Variants in OTUD7A observed in about 807,000 individuals in gnomAD.
OTUD7A encodes the protein OTU deubiquitinase 7A.
A neutral mutation model predicts 65.7 loss-of-function variants in OTUD7A; 12 were observed. The ratio of observed to expected loss-of-function variants is 0.18; its 90% CI spans 0.12 to 0.30. The LOEUF (loss-of-function observed/expected upper bound fraction) is 0.30. Among genes scored for constraint, OTUD7A ranks in the 10% least tolerant of loss-of-function variants. The pLI is 1.00. For synonymous variants in OTUD7A, 641 were observed against 586.3 expected, an observed-to-expected ratio of 1.09 and a Z score of -1.35; for missense variants, 1,148 against 1,304.8, an observed-to-expected ratio of 0.88 and a Z score of 1.85.
rs192938762 is a variant in OTUD7A, at chr15:31,491,194, A to T, written c.1172-3628T>A. On this transcript the variant is annotated intron_variant, in intron 10 of 12. Coordinates refer to ENST00000307050, the MANE Select transcript of OTUD7A (RefSeq NM_001382637.1). ...GTTTATAGAACAAGACTCAGATATG[A>T]CACAGGTGTTGAAACTATCAGACAA... Among the ~76,000 whole-genome samples, 201 of 152,332 alleles carry T rather than the reference A, an allele frequency of 1.3e-3. 1 individual carries two copies. The highest frequency in any genetic ancestry group is 4.6e-3 in the African/African-American group (192 of 41,570).
At chr15:31,589,250 C>CTT (rs1411129433) in intron 3 of OTUD7A, among the ~76,000 whole-genome samples, 2 of 151,532 alleles carry the variant, frequency 1.3e-5, no homozygotes, top group African/African-American at 4.9e-5. Flanking sequence ...TTGGGATTCT[C>CTT]TTTAAAGAGT....
chr15:31,838,703 C>A (rs1897114314), intron 1 of OTUD7A, among the ~76,000 whole-genome samples: 1 of 150,220 alleles, frequency 6.7e-6, no homozygotes, highest in Admixed American at 6.6e-5. Flanking sequence ...CCCCATTACT[C>A]CTAAGTGATC....
At chr15:31,798,011 C>T (rs1896017467) in intron 1 of OTUD7A, among the ~76,000 whole-genome samples, 1 of 152,182 alleles carries the variant, frequency 6.6e-6, no homozygotes, top group South Asian at 2.1e-4. Flanking sequence ...TTCACTGCGT[C>T]TTCACATGGG....
intron 5 of OTUD7A, among the ~76,000 whole-genome samples, chr15:31,550,557 C>T (rs1025933102): frequency 2.6e-5 from 4 of 152,096 alleles, no homozygotes; most frequent in South Asian, 2.1e-4. Flanking sequence ...TTCTGCCAAC[C>T]GCAGGGAACT....
At chr15:31,790,124 C>T (rs528132263) in intron 1 of OTUD7A, among the ~76,000 whole-genome samples, 3 of 152,314 alleles carry the variant, frequency 2.0e-5, no homozygotes, top group Admixed American at 6.5e-5. Flanking sequence ...GTCACATTGA[C>T]GGGAGTACAT....
At chr15:31,845,474 C>T (rs1402242872) in intron 1 of OTUD7A, among the ~76,000 whole-genome samples, 7 of 152,244 alleles carry the variant, frequency 4.6e-5, no homozygotes, top group South Asian at 4.1e-4. Flanking sequence ...CCATCTCTCT[C>T]GTCCTCTGTG....
intron 4 of OTUD7A, among the ~76,000 whole-genome samples, chr15:31,564,348 C>T (rs1286022204): frequency 6.9e-6 from 1 of 144,198 alleles, no homozygotes; most frequent in East Asian, 2.1e-4. Flanking sequence ...AGGAGATTCA[C>T]CATGCAAAAA....
At chr15:31,674,927 A>G (rs1319278509) in intron 1 of OTUD7A, among the ~76,000 whole-genome samples, 2 of 152,160 alleles carry the variant, frequency 1.3e-5, no homozygotes, top group Non-Finnish European at 2.9e-5. Flanking sequence ...ATCATGGAAC[A>G]CTTGCACCAG....
intron 8 of OTUD7A, among the ~76,000 whole-genome samples, chr15:31,517,192 TA>T (rs796405050): frequency 4.4e-4 from 67 of 152,316 alleles, no homozygotes; most frequent in African/African-American, 1.6e-3. Flanking sequence ...TGTAAACGCC[TA>T]TGTCCAGGTC....
At chr15:31,847,280 C>T (rs1016068656) in intron 1 of OTUD7A, among the ~76,000 whole-genome samples, 3 of 152,166 alleles carry the variant, frequency 2.0e-5, no homozygotes, top group Non-Finnish European at 2.9e-5. Context: ...TGCCTAGAGC[C>T]AGGCCACTGT....
chr15:31,651,059 A>G (rs1891820241), intron 3 of OTUD7A, among the ~76,000 whole-genome samples: 1 of 128,476 alleles, frequency 7.8e-6, no homozygotes, highest in Non-Finnish European at 1.6e-5. Context: ...AAGCTTGAAA[A>G]CCTTGAACAG....
In OTUD7A at chr15:31,484,373, G is replaced by A. The variant is rs928564075; in HGVS notation, c.1723C>T (p.Arg575Cys). 4 of 1,601,026 alleles carry A rather than the reference G, an allele frequency of 2.5e-6. No homozygotes were observed. The highest frequency in any genetic ancestry group is 3.4e-6 in the Non-Finnish European group (4 of 1,179,668). Residue 575 changes from arginine (R) to cysteine (C), a missense_variant, in exon 13 of 13, where the codon CGC becomes TGC. Coordinates refer to ENST00000307050, the MANE Select transcript of OTUD7A (RefSeq NM_001382637.1). The surrounding 1 kb of genome is among the most constrained non-coding windows in gnomAD (Gnocchi z 4.5). Reference sequence around the variant, plus strand: ...CCAGACTCCTCCTTGCTGCCCTTGCGCGACTTGGCCTTCTTCTCCTTGCCC... The same window carrying A: ...CCAGACTCCTCCTTGCTGCCCTTGCACGACTTGGCCTTCTTCTCCTTGCCC... The part of the protein sequence containing the change: ...ERGKEKKAKS[R>C]KGSKEESGAS...
At chr15:31,784,155 T>C (rs972827558) in intron 1 of OTUD7A, among the ~76,000 whole-genome samples, 1 of 152,226 alleles carries the variant, frequency 6.6e-6, no homozygotes, top group African/African-American at 2.4e-5. Context: ...CAAAGAACTG[T>C]AATATAATGG....
intron 1 of OTUD7A, among the ~76,000 whole-genome samples, chr15:31,666,774 G>A (rs1461390948): frequency 6.6e-6 from 1 of 152,082 alleles, no homozygotes; most frequent in Non-Finnish European, 1.5e-5. Context: ...TTAGGGCTAT[G>A]AACTTTCCTC....
At chr15:31,569,534 T>C (rs757129208) in intron 4 of OTUD7A, among the ~76,000 whole-genome samples, 1 of 152,114 alleles carries the variant, frequency 6.6e-6, no homozygotes, top group Non-Finnish European at 1.5e-5. Context: ...ATCTGGGAGG[T>C]GTGGAGGCGA....
intron 1 of OTUD7A, among the ~76,000 whole-genome samples, chr15:31,784,727 C>T (rs768258184): frequency 2.4e-4 from 37 of 152,240 alleles, no homozygotes; most frequent in Admixed American, 7.2e-4. Flanking sequence ...AAGTTAAACC[C>T]AAAGAGAAGG....
chr15:31,629,600 G>C (rs1306051520), intron 3 of OTUD7A, among the ~76,000 whole-genome samples: 1 of 152,110 alleles, frequency 6.6e-6, no homozygotes, highest in Non-Finnish European at 1.5e-5. Context: ...GGATGATGCT[G>C]GCCTCATAAA....
At chr15:31,866,522 CGGTTCCCCCCTTGT>C (rs1030896434) in intron 1 of OTUD7A, among the ~76,000 whole-genome samples, 1 of 152,192 alleles carries the variant, frequency 6.6e-6, no homozygotes, top group African/African-American at 2.4e-5. Context: ...GTGATGAAGG[CGGTTCCCCCCTTGT>C]GGCATCTGTG....
intron 1 of OTUD7A, among the ~76,000 whole-genome samples, chr15:31,821,479 A>G (rs1755959438): frequency 6.6e-6 from 1 of 151,914 alleles, no homozygotes; most frequent in Non-Finnish European, 1.5e-5. Flanking sequence ...GAATAATAAC[A>G]CAATATACAA....
Sources: allele counts gnomAD v4.1 joint callset (sites outside exome capture counted in the v4.1 genomes callset), GRCh38; gene constraint gnomAD v4.1.1; non-coding constraint Gnocchi (gnomAD v3.1); transcripts MANE v1.5; gene names NCBI Gene and HGNC (gene_info 2026-07-23, HGNC 2026-07-21).